The following UIMC1 variants were observed in gnomAD, a reference collection of about 807,000 sequenced individuals.
UIMC1 encodes BRCA1-A complex subunit RAP80.
UIMC1 carries 42 observed loss-of-function variants against 84.9 expected under a neutral mutation model. That is an observed-to-expected ratio of 0.49 (90% CI 0.39 to 0.64). The LOEUF (loss-of-function observed/expected upper bound fraction) is 0.64. UIMC1 is among the 30% of genes least tolerant of loss of function. The probability of loss-of-function intolerance (pLI) is 0.00; values close to 1 mark genes in which losing one functional copy is unlikely to be tolerated. For missense variants in UIMC1, 825 were observed against 847.6 expected (o/e 0.97, Z 0.33); for synonymous variants, 281 against 293.0 (o/e 0.96, Z 0.42).
intron 1 of UIMC1, among the ~76,000 whole-genome samples, chr5:176,985,754 G>A (rs1462269576): frequency 6.6e-6 from 1 of 152,058 alleles, no homozygotes; most frequent in Non-Finnish European, 1.5e-5. Context: ...ACAGGGGTGT[G>A]CCAGCACACC....
At chr5:177,012,089 C>T (rs1775561909) in intron 1 of UIMC1, among the ~76,000 whole-genome samples, 1 of 152,104 alleles carries the variant, frequency 6.6e-6, no homozygotes, top group Non-Finnish European at 1.5e-5. Context: ...CGTGAGCCAC[C>T]GCACCCTGCT....
rs1469150149 is a variant in UIMC1, at chr5:176,908,664, C to T, written c.1707G>A (p.Leu569=). 1.2e-6 allele frequency: 2 copies of T among 1,613,814 alleles called. No individual in the cohort carries two copies. The highest frequency in any genetic ancestry group is 2.2e-5 in the South Asian group (2 of 91,028). ...GACACTGATACTCTCTAAATGGGAC[C>T]AGGGATTTACAGAGGTAACACTTCT... ...KNEKCYLCKS[L]VPFREYQCHV... is the part of the protein sequence containing the mutation. Residue 569 remains leucine (L), a synonymous_variant, in exon 12 of 15, where the codon CTG becomes CTA. Coordinates refer to ENST00000511320, the MANE Select transcript of UIMC1 (RefSeq NM_001199298.2).
At chr5:177,012,043 G>T (rs573021623) in intron 1 of UIMC1, among the ~76,000 whole-genome samples, 1 of 151,972 alleles carries the variant, frequency 6.6e-6, no homozygotes, top group African/African-American at 2.4e-5. Flanking sequence ...CTCATGATCC[G>T]CCCGTCTTGG....
chr5:176,963,521 TAAA>T (rs74389908), intron 6 of UIMC1, among the ~76,000 whole-genome samples: 1 of 130,012 alleles, frequency 7.7e-6, no homozygotes, highest in African/African-American at 2.8e-5. Context: ...ACTCCATCTT[TAAA>T]AAAAAAAAAA....
chr5:176,935,763 T>A (rs1198592084), intron 10 of UIMC1, among the ~76,000 whole-genome samples: 1 of 152,190 alleles, frequency 6.6e-6, no homozygotes, highest in Non-Finnish European at 1.5e-5. Context: ...TACTGAGGTC[T>A]TACACATTTT....
intron 14 of UIMC1, 170 bp downstream of exon 14, chr5:176,905,841 A>G (rs1480967944): frequency 4.3e-6 from 3 of 697,530 alleles, no homozygotes; most frequent in Non-Finnish European, 7.2e-6. Context: ...GAGTTATCCA[A>G]TCTTTAGCTA....
At chr5:176,978,335 C>T (rs1001667362) in intron 2 of UIMC1, among the ~76,000 whole-genome samples, 20 of 151,228 alleles carry the variant, frequency 1.3e-4, no homozygotes, top group African/African-American at 3.6e-4. Flanking sequence ...ATGGCGCCAC[C>T]GCACTCCAGC....
intron 10 of UIMC1, among the ~76,000 whole-genome samples, chr5:176,922,457 C>A (rs895472851): frequency 2.0e-5 from 3 of 152,214 alleles, no homozygotes; most frequent in Admixed American, 1.3e-4. Flanking sequence ...GCTTCTCTCA[C>A]CAAAAGATTC....
intron 10 of UIMC1, among the ~76,000 whole-genome samples, chr5:176,926,792 G>A (rs914022867): frequency 2.6e-5 from 4 of 151,298 alleles, no homozygotes; most frequent in African/African-American, 7.3e-5. Flanking sequence ...GAAATAGGAG[G>A]GATAAAGGAA....
At chr5:176,948,010 A>G (rs1331727136) in intron 9 of UIMC1, among the ~76,000 whole-genome samples, 1 of 150,900 alleles carries the variant, frequency 6.6e-6, no homozygotes, top group African/African-American at 2.4e-5. Flanking sequence ...TCCCCCACCC[A>G]ATTATGTGTA....
intron 7 of UIMC1, among the ~76,000 whole-genome samples, chr5:176,956,829 GATAA>G (rs1384123198): frequency 6.6e-6 from 1 of 151,742 alleles, no homozygotes; most frequent in Non-Finnish European, 1.5e-5. Flanking sequence ...CTGAACTCAT[GATAA>G]ATAACTAAAT....
chr5:176,941,293 A>G (rs1455384829), intron 10 of UIMC1, among the ~76,000 whole-genome samples: 1 of 152,248 alleles, frequency 6.6e-6, no homozygotes, highest in African/African-American at 2.4e-5. Flanking sequence ...TTATCTGCAC[A>G]TTGAAAGAGC....
intron 10 of UIMC1, among the ~76,000 whole-genome samples, chr5:176,927,764 C>G (rs1466877492): frequency 7.0e-6 from 1 of 142,458 alleles, no homozygotes; most frequent in African/African-American, 2.6e-5. Flanking sequence ...TGGCCTGTTT[C>G]AAAAAAAAAC....
chr5:176,916,197 A>C (rs1280853698), intron 10 of UIMC1, among the ~76,000 whole-genome samples: 1 of 152,212 alleles, frequency 6.6e-6, no homozygotes, highest in Non-Finnish European at 1.5e-5. Flanking sequence ...TCATTATGAA[A>C]CATATATCCA....
intron 1 of UIMC1, 83 bp from the exon 2 acceptor site, chr5:176,982,706 C>T: frequency 6.9e-7 from 1 of 1,454,816 alleles, no homozygotes. Flanking sequence ...AGCTATTCAA[C>T]TTAGTCTTTT....
intron 10 of UIMC1, among the ~76,000 whole-genome samples, chr5:176,934,348 A>G (rs544015580): frequency 6.6e-6 from 1 of 152,350 alleles, no homozygotes; most frequent in South Asian, 2.1e-4. Context: ...ATTCCATGAG[A>G]ATGCAGGAAT....
At chr5:176,925,147 A>G (rs1762233855) in intron 10 of UIMC1, among the ~76,000 whole-genome samples, 1 of 152,210 alleles carries the variant, frequency 6.6e-6, no homozygotes, top group African/African-American at 2.4e-5. Context: ...AAGAACTCCT[A>G]TCTCAATAAT....
At chr5:176,925,497 T>C (rs192958857) in intron 10 of UIMC1, among the ~76,000 whole-genome samples, 17 of 152,306 alleles carry the variant, frequency 1.1e-4, no homozygotes, top group Admixed American at 7.2e-4. Flanking sequence ...TGAAATCTTA[T>C]GCTCACTATA....
intron 6 of UIMC1, among the ~76,000 whole-genome samples, chr5:176,958,634 A>G (rs369251391): frequency 6.6e-6 from 1 of 152,258 alleles, no homozygotes; most frequent in Admixed American, 6.5e-5. Flanking sequence ...ACTGCAATCT[A>G]TGATCTTTGA....
Sources: allele counts gnomAD v4.1 joint callset (sites outside exome capture counted in the v4.1 genomes callset), GRCh38; gene constraint gnomAD v4.1.1; transcripts MANE v1.5; gene names NCBI Gene and HGNC (gene_info 2026-07-23, HGNC 2026-07-21).